PRRC2C: variants seen among roughly 807,000 people sequenced by gnomAD.
PRRC2C encodes the protein protein PRRC2C.
Under a neutral mutation model 317.2 loss-of-function variants are expected in PRRC2C, and 72 were observed. The ratio of observed to expected loss-of-function variants is 0.23; its 90% CI spans 0.19 to 0.28. The LOEUF (loss-of-function observed/expected upper bound fraction) is 0.28, where lower values mean the gene tolerates loss of function less well. Ranked by LOEUF, PRRC2C falls within the 10% of genes least tolerant of loss-of-function variation. The probability of loss-of-function intolerance (pLI) is 1.00; values close to 1 mark genes in which losing one functional copy is unlikely to be tolerated. For synonymous variants in PRRC2C, 1,296 were observed against 1,205.9 expected, an observed-to-expected ratio of 1.07 and a Z score of -1.55; for missense variants, 3,074 against 3,459.7, an observed-to-expected ratio of 0.89 and a Z score of 2.80.
Position 171,557,988 on chromosome 1 carries a change from C to T in PRRC2C, c.5876C>T (p.Ser1959Leu), listed in dbSNP as rs1303064739. The change falls in exon 19 of 35, where the codon TCA (serine) becomes TTA (leucine). Residue 1959 changes from serine (S) to leucine (L), a missense_variant. Physicochemically the swap from Ser to Leu is moderately radical, Grantham distance 145 (BLOSUM62 -2). Transcript: ENST00000647382. ...TSQSSKQPPP[S>L]IRLPSAQTPN... is the part of the protein sequence containing the mutation. ...CAGTCTTCAAAACAACCACCACCAT[C>T]AATTAGGCTGCCTTCAGCTCAAACA... The T allele has an allele frequency of 3.7e-6, 6 of 1,613,858 alleles. No homozygotes were observed. Among genetic ancestry groups the T allele is most frequent in the Middle Eastern group, 1.6e-4 (1 of 6,062 alleles).
intron 12 of PRRC2C, among the ~76,000 whole-genome samples, chr1:171,534,341 G>GA (rs945863270): frequency 6.6e-6 from 1 of 152,090 alleles, no homozygotes; most frequent in Non-Finnish European, 1.5e-5. Context: ...GTTCACAAGA[G>GA]AAAGGAAAAC....
chr1:171,577,950 CTT>C (rs59582313), intron 26 of PRRC2C, among the ~76,000 whole-genome samples: 7,869 of 103,744 alleles, frequency 0.076, 253 homozygotes, highest in Non-Finnish European at 0.094. Flanking sequence ...GCTAATTTTT[CTT>C]TTTTTTTTTT....
chr1:171,522,215 A>G lies in PRRC2C; in HGVS notation c.789A>G (p.Leu263=), dbSNP rs941944953. 6.2e-7 allele frequency: 1 copy of G among 1,600,608 alleles called. No homozygotes were observed. Among genetic ancestry groups the G allele is most frequent in the Non-Finnish European group, 8.6e-7 (1 of 1,169,252 alleles). Residue 263 remains leucine, a synonymous_variant, in exon 7 of 35, where the codon CTA becomes CTG. Transcript: ENST00000647382. ...QQYPRMTYPP[L]HGPMRFPPSL... is the part of the protein sequence containing the mutation. Reference sequence around the variant, plus strand: ...ATCCGAGGATGACATATCCTCCTCTACATGGTCCCATGAGATTCCCACCTT... The same window carrying G: ...ATCCGAGGATGACATATCCTCCTCTGCATGGTCCCATGAGATTCCCACCTT...
chr1:171,528,419 G>T (rs961408747), intron 11 of PRRC2C, among the ~76,000 whole-genome samples: 1 of 151,520 alleles, frequency 6.6e-6, no homozygotes, highest in Non-Finnish European at 1.5e-5. Context: ...CTCCTGAGTT[G>T]CTGGCACTAC....
chr1:171,589,555 G>A lies in PRRC2C; in HGVS notation c.8386G>A (p.Val2796Ile). ...GGGTCCTTGTGGATCACTATCTGGA[G>A]TCAGAGGTAATCAGGCCCAGGCTGC... ...ARGPCGSLSGVRGNQAQAALK... is the reference protein window; with the variant it reads ...ARGPCGSLSGIRGNQAQAALK... Residue 2796 changes from valine (V) to isoleucine (I), a missense_variant, in exon 34 of 35, where the codon GTC (valine) becomes ATC (isoleucine). By Grantham distance (29) the Val-to-Ile change is conservative. Transcript: ENST00000647382. The A allele has an allele frequency of 7.8e-7, 1 of 1,289,798 alleles. No homozygotes were observed. The highest frequency in any genetic ancestry group is 2.1e-4 in the Middle Eastern group (1 of 4,694). The allele number at this position is 1,289,798 out of a possible 1,614,324, so 79.9% of individuals were successfully genotyped here.
chr1:171,564,373 T>C (rs570477082), intron 20 of PRRC2C, among the ~76,000 whole-genome samples: 3 of 152,324 alleles, frequency 2.0e-5, no homozygotes, highest in Non-Finnish European at 4.4e-5. Context: ...CAGTTATTTT[T>C]CTACTCATTT....
rs1682583811 is a variant in PRRC2C at position 171,561,034 on chromosome 1, A to G, written c.6048A>G (p.Pro2016=). Reference sequence around the variant, plus strand: ...TCTTTCCAGTAGGTCCCATTAGTCCACCACAGCCACCTTCAGTCAGTGCAT... The same window carrying G: ...TCTTTCCAGTAGGTCCCATTAGTCCGCCACAGCCACCTTCAGTCAGTGCAT... ...DISKKLGPIS[P]PQPPSVSAWN... is the part of the protein sequence containing the mutation. Residue 2016 remains proline (P), a synonymous_variant, in exon 20 of 35, where the codon CCA becomes CCG. Transcript: ENST00000647382. The G allele has an allele frequency of 8.7e-6, 14 of 1,603,806 alleles. No individual in the cohort carries two copies. The highest frequency in any genetic ancestry group is 1.1e-5 in the Non-Finnish European group (13 of 1,170,624).
chr1:171,503,978 G>C (rs1425000137), intron 1 of PRRC2C, among the ~76,000 whole-genome samples: 1 of 152,124 alleles, frequency 6.6e-6, no homozygotes, highest in African/African-American at 2.4e-5. Flanking sequence ...CCATGATTCA[G>C]TTACCTTCCA....
chr1:171,557,722 A>G lies in PRRC2C; in HGVS notation c.5610A>G (p.Leu1870=). The change falls in exon 19 of 35, where the codon CTA becomes CTG. Residue 1870 remains leucine (L), a synonymous_variant. Coordinates refer to ENST00000647382, the MANE Select transcript of PRRC2C (RefSeq NM_001387844.1). ...CAATTCCCATTCTTGCTTCAGCCCT[A>G]GCATCAACTTCAGCTCCAACGCCAG... is the stretch of plus-strand genomic sequence containing the variant. The part of the protein sequence containing the change: ...SASIPILASA[L]ASTSAPTPAP... The G allele has an allele frequency of 6.4e-7, 1 of 1,551,342 alleles. No individual in the cohort carries two copies. Among genetic ancestry groups the G allele is most frequent in the Non-Finnish European group, 8.7e-7 (1 of 1,146,920 alleles).
intron 6 of PRRC2C, among the ~76,000 whole-genome samples, chr1:171,520,113 C>G (rs1673270999): frequency 6.6e-6 from 1 of 152,154 alleles, no homozygotes; most frequent in Admixed American, 6.5e-5. Flanking sequence ...CAGGGGCACG[C>G]CATCACGCCC....
rs985982358 is a variant in PRRC2C, at chr1:171,525,036, G to T, written c.1200+71G>T. On this transcript the variant is annotated intron_variant, in intron 10 of 34. Transcript: ENST00000647382. ...ATTGTAATTACTGTGTAATACTATG[G>T]ATAATTATTCTTACCACAGAGTGGA... 2.9e-5 allele frequency: 36 copies of T among 1,257,036 alleles called. No individual in the cohort carries two copies. The African/African-American group carries it at 4.7e-4, about 17-fold the overall frequency. 77.9% of individuals were successfully genotyped at this position (1,257,036 alleles called of 1,614,324 possible).
chr1:171,564,143 G>A (rs181216144), intron 20 of PRRC2C, among the ~76,000 whole-genome samples: 129 of 152,246 alleles, frequency 8.5e-4, no homozygotes, highest in African/African-American at 2.1e-3. Flanking sequence ...TCATAGGATG[G>A]AAAGAATTCC....
chr1:171,568,141 T>C (rs1572055230), intron 22 of PRRC2C, 106 bp from the exon 23 acceptor site: 3 of 1,385,024 alleles, frequency 2.2e-6, no homozygotes, highest in East Asian at 2.7e-5. Context: ...GCTGAGATCA[T>C]GCCACTGCAC....
intron 25 of PRRC2C, among the ~76,000 whole-genome samples, chr1:171,576,919 C>A (rs1352851190): frequency 6.6e-6 from 1 of 152,082 alleles, no homozygotes; most frequent in East Asian, 1.9e-4. Context: ...ATACTCCTGG[C>A]CTCAACATGT....
At chr1:171,496,289 G>A (rs1398557002) in intron 1 of PRRC2C, among the ~76,000 whole-genome samples, 1 of 132,324 alleles carries the variant, frequency 7.6e-6, no homozygotes, top group Non-Finnish European at 1.5e-5. Flanking sequence ...TACAGCCTCT[G>A]CCTCCCGGGT....
chr1:171,553,314 T>G (rs1680678057), intron 18 of PRRC2C, among the ~76,000 whole-genome samples: 2 of 152,306 alleles, frequency 1.3e-5, no homozygotes, highest in South Asian at 4.1e-4. Context: ...GATATCCCCT[T>G]TATCAATTTT....
In PRRC2C at chr1:171,557,600, A is replaced by G. The variant is rs147198815; in HGVS notation, c.5488A>G (p.Ile1830Val). 10 of 1,551,390 alleles carry G rather than the reference A, an allele frequency of 6.4e-6. No individual in the cohort carries two copies. In the East Asian group the frequency reaches 9.8e-5, roughly 15 times the overall value. The change falls in exon 19 of 35, where the codon ATA becomes GTA. Residue 1830 changes from isoleucine to valine, a missense_variant. Physicochemically the swap from Ile to Val is conservative, Grantham distance 29. Coordinates refer to ENST00000647382, the MANE Select transcript of PRRC2C (RefSeq NM_001387844.1). ...TCCAGCCTCTACTTCAGCTGCAGCT[A>G]TAACCTCTTCTTCAGCTCCAGCCTC... ...SVPASTSAAA[I>V]TSSSAPASAP...
rs561573415 is a variant in PRRC2C at position 171,542,285 on chromosome 1, A to G, written c.4763+56A>G. 18 of 1,390,536 alleles carry G rather than the reference A, an allele frequency of 1.3e-5. No homozygotes were observed. In the East Asian group the frequency reaches 4.0e-4, roughly 31 times the overall value. The allele number at this position is 1,390,536 out of a possible 1,614,324, so 86.1% of individuals were successfully genotyped here. A position where few individuals can be genotyped will look rare whatever the true frequency, so the allele number is the denominator to read the frequency against. On this transcript the variant is annotated intron_variant, in intron 16 of 34. Transcript: ENST00000647382. ...TTGCACCTTTAAAGAAGCTAAAAGT[A>G]GAGTTCTTGGTTGAATTATGCAAAG...
At chr1:171,591,189 T>A in intron 34 of PRRC2C, 2 of 993,016 alleles carry the variant, frequency 2.0e-6, no homozygotes, top group Non-Finnish European at 2.4e-6. Flanking sequence ...CACAAGACAT[T>A]TGGTCCTAGG....
Sources: allele counts gnomAD v4.1 joint callset (sites outside exome capture counted in the v4.1 genomes callset), GRCh38; gene constraint gnomAD v4.1.1; transcripts MANE v1.5; gene names NCBI Gene and HGNC (gene_info 2026-07-23, HGNC 2026-07-21).